RPS6KC1: variants seen among roughly 807,000 people sequenced by gnomAD.
RPS6KC1 encodes inactive ribosomal protein S6 kinase delta-1.
Under a neutral mutation model 103.8 loss-of-function variants are expected in RPS6KC1, and 54 were observed. That is an observed-to-expected ratio of 0.52 (90% confidence interval 0.42 to 0.65). The LOEUF (loss-of-function observed/expected upper bound fraction) is 0.65, where lower values mean the gene tolerates loss of function less well. Among genes scored for constraint, RPS6KC1 ranks in the 30% least tolerant of loss-of-function variants. RPS6KC1 has a pLI of 0.00. For missense variants in RPS6KC1, 1,151 were observed against 1,253.8 expected (o/e 0.92, Z 1.24); for synonymous variants, 439 against 438.7 (o/e 1.00, Z -0.01).
chr1:213,520,701 G>T, the RPS6KC1 span, among the ~76,000 whole-genome samples: 10 of 152,096 alleles, frequency 6.6e-5, no homozygotes. Context: ...AAGAGGACAG[G>T]TAGTTGGTGA....
At chr1:213,153,491 T>A (rs1334107329) in intron 6 of RPS6KC1, among the ~76,000 whole-genome samples, 1 of 152,186 alleles carries the variant, frequency 6.6e-6, no homozygotes, top group Non-Finnish European at 1.5e-5. Context: ...CTTAACTTTG[T>A]CCCCCAGCTT....
the RPS6KC1 span, among the ~76,000 whole-genome samples, chr1:213,345,381 A>G: frequency 1.3e-5 from 2 of 152,150 alleles, no homozygotes; most frequent in Admixed American, 6.6e-5. Context: ...ACTTCCTTTG[A>G]GTCTGTCTTT....
the RPS6KC1 span, among the ~76,000 whole-genome samples, chr1:213,774,514 G>A: frequency 6.6e-6 from 1 of 152,280 alleles, no homozygotes; most frequent in South Asian, 2.1e-4. Context: ...AAAATGCAGG[G>A]TGGATACAAA....
rs1362454747 is a variant in RPS6KC1, at chr1:213,273,375, A to G, written c.*741A>G. The G allele has an allele frequency of 1.3e-5, 2 of 152,590 alleles. No homozygotes were observed. Among genetic ancestry groups the G allele is most frequent in the Non-Finnish European group, 2.9e-5 (2 of 68,040 alleles). The allele number at this position is 152,590 out of a possible 1,614,324, so 9.5% of individuals were successfully genotyped here. A position where few individuals can be genotyped will look rare whatever the true frequency, so the allele number is the denominator to read the frequency against. ...TTCTGTTCTTCCGACTCCTGCTAACACACATGCAACAAAAAAGGGAAGGGA... is the reference window on the plus strand; with the variant it reads ...TTCTGTTCTTCCGACTCCTGCTAACGCACATGCAACAAAAAAGGGAAGGGA... On this transcript the variant is annotated 3_prime_UTR_variant, in exon 15 of 15. Transcript: ENST00000366960.
the RPS6KC1 span, among the ~76,000 whole-genome samples, chr1:213,504,275 G>A: frequency 2.6e-5 from 4 of 151,918 alleles, no homozygotes; most frequent in African/African-American, 9.7e-5. Context: ...ATAGAGTTTT[G>A]TTTTTCTTTG....
At chr1:213,151,866 GCC>G (rs1375225400) in intron 6 of RPS6KC1, among the ~76,000 whole-genome samples, 5 of 124,904 alleles carry the variant, frequency 4.0e-5, no homozygotes, top group Admixed American at 7.3e-5. Context: ...GGGGCGGCTG[GCC>G]GGGCGGGGGG....
At chr1:213,119,425 CATATATATATATATATATATAT>C (rs757888943) in intron 5 of RPS6KC1, among the ~76,000 whole-genome samples, 49 of 90,908 alleles carry the variant, frequency 5.4e-4, no homozygotes, top group Admixed American at 1.2e-3. Flanking sequence ...CCAGCCTGGG[CATATATATATATATATATATAT>C]ATATATATAT....
the RPS6KC1 span, among the ~76,000 whole-genome samples, chr1:213,666,823 C>G: frequency 6.6e-6 from 1 of 152,240 alleles, no homozygotes; most frequent in Non-Finnish European, 1.5e-5. Flanking sequence ...CATAAGGGCA[C>G]CAGCAACAGC....
At chr1:213,675,394 T>A in the RPS6KC1 span, among the ~76,000 whole-genome samples, 1 of 152,218 alleles carries the variant, frequency 6.6e-6, no homozygotes, top group African/African-American at 2.4e-5. Flanking sequence ...ATTCTTATAG[T>A]TTGAAGTCTT....
intron 12 of RPS6KC1, among the ~76,000 whole-genome samples, chr1:213,246,182 A>G (rs1168103309): frequency 1.3e-5 from 2 of 152,124 alleles, no homozygotes; most frequent in African/African-American, 4.8e-5. Context: ...CATTCCTTTT[A>G]GGTTCACTTT....
intron 6 of RPS6KC1, among the ~76,000 whole-genome samples, chr1:213,130,373 TG>T (rs2085468600): frequency 6.6e-6 from 1 of 152,216 alleles, no homozygotes; most frequent in Non-Finnish European, 1.5e-5. Context: ...ATGTGGGACA[TG>T]TAGAGCTGAC....
chr1:213,451,559 G>A, the RPS6KC1 span, among the ~76,000 whole-genome samples: 1 of 152,336 alleles, frequency 6.6e-6, no homozygotes, highest in African/African-American at 2.4e-5. Flanking sequence ...GTGGGTGTGG[G>A]GGAGGTCGCG....
At chr1:213,334,996 A>C in the RPS6KC1 span, among the ~76,000 whole-genome samples, 2 of 152,214 alleles carry the variant, frequency 1.3e-5, no homozygotes, top group African/African-American at 2.4e-5. Flanking sequence ...AGATAATGTG[A>C]AGCCCTTTGT....
At chr1:213,418,908 C>T in the RPS6KC1 span, among the ~76,000 whole-genome samples, 2 of 152,218 alleles carry the variant, frequency 1.3e-5, no homozygotes, top group Admixed American at 1.3e-4. Flanking sequence ...GGCTGCCAGG[C>T]CCGGCTCACC....
In RPS6KC1 at chr1:213,265,760, G is replaced by T. The variant is rs891376075; in HGVS notation, c.3090+2944G>T. ...TAAAAGACTGTTAGTATAGTCTTTT[G>T]AAGTGTATGTTTCACTCCCCTTATG... On this transcript the variant is annotated intron_variant, in intron 14 of 14. Coordinates refer to ENST00000366960, the MANE Select transcript of RPS6KC1 (RefSeq NM_012424.6). 3.3e-5 allele frequency among the ~76,000 whole-genome samples: 5 copies of T among 152,156 alleles called. No individual in the cohort carries two copies. In the South Asian group the frequency reaches 8.3e-4, roughly 25 times the overall value.
the RPS6KC1 span, among the ~76,000 whole-genome samples, chr1:213,595,590 C>T: frequency 6.6e-6 from 1 of 152,230 alleles, no homozygotes; most frequent in African/African-American, 2.4e-5. Context: ...CAGTTCCCCT[C>T]CAGGTCTCCT....
the RPS6KC1 span, among the ~76,000 whole-genome samples, chr1:213,810,644 G>A: frequency 1.3e-5 from 2 of 152,108 alleles, no homozygotes; most frequent in Non-Finnish European, 2.9e-5. Flanking sequence ...ACCATTAGCT[G>A]TTAATTCTGA....
the RPS6KC1 span, chr1:213,832,376 C>G: frequency 6.6e-6 from 1 of 152,266 alleles, no homozygotes; most frequent in Non-Finnish European, 1.5e-5. Context: ...TATGTCTTTC[C>G]TCTTTATCCC....
intron 8 of RPS6KC1, among the ~76,000 whole-genome samples, chr1:213,205,568 T>TATATATATATATATATATATATATG (rs1553378518): frequency 2.1e-5 from 1 of 47,646 alleles, no homozygotes; most frequent in African/African-American, 8.4e-5. Flanking sequence ...ATATATATAT[T>TATATATATATATATATATATATATG]TCAAAAGAAT....
Sources: allele counts gnomAD v4.1 joint callset (sites outside exome capture counted in the v4.1 genomes callset), GRCh38; gene constraint gnomAD v4.1.1; transcripts MANE v1.5; gene names NCBI Gene and HGNC (gene_info 2026-07-23, HGNC 2026-07-21).